The following ITGA7 variants were observed in gnomAD, a reference collection of about 807,000 sequenced individuals.
ITGA7 encodes integrin alpha-7.
Under a neutral mutation model 131.6 loss-of-function variants are expected in ITGA7, and 84 were observed. That is an observed-to-expected ratio of 0.64 (90% CI 0.54 to 0.77). The LOEUF (loss-of-function observed/expected upper bound fraction) is 0.77. Among genes scored for constraint, ITGA7 ranks in the 30% least tolerant of loss-of-function variants. The pLI is 0.00. For missense variants in ITGA7, 1,399 were observed against 1,482.9 expected (o/e 0.94, Z 0.93); for synonymous variants, 548 against 600.7 (o/e 0.91, Z 1.28).
In ITGA7 at chr12:55,697,496, C is replaced by T. The variant is rs140619961; in HGVS notation, c.1460G>A (p.Ser487Asn). 3.0e-5 allele frequency: 49 copies of T among 1,614,012 alleles called. No homozygotes were observed. In the African/African-American group the frequency reaches 6.0e-4, roughly 20 times the overall value. The change falls in exon 10 of 25, where the codon AGC (serine) becomes AAC (asparagine). Residue 487 changes from serine (S) to asparagine (N), a missense_variant. Ser to Asn is a conservative substitution (Grantham distance 46, BLOSUM62 1). Transcript: ENST00000257879. ...ACAGTTGGGCTGCTCCAGGTCGATGCTTCGTGGAGCAATAGAGACCTCATG... is the reference window on the plus strand; with the variant it reads ...ACAGTTGGGCTGCTCCAGGTCGATGTTTCGTGGAGCAATAGAGACCTCATG... Reference protein sequence around the residue: ...VSHEVSIAPRSIDLEQPNCAG... With the variant: ...VSHEVSIAPRNIDLEQPNCAG...
Position 55,707,820 on chromosome 12 carries a change from G to GGCCCACA in ITGA7, c.-139_-138insTGTGGGC. Reference sequence around the variant, plus strand: ...CGTCTCCCAGACGTTCGCCCCGCCAGCCCTCCCGCCCGCCCGCCGCTCCGC... The same window carrying GGCCCACA: ...CGTCTCCCAGACGTTCGCCCCGCCAGGCCCACACCCTCCCGCCCGCCCGCCGCTCCGC... On this transcript the variant is annotated 5_prime_UTR_variant, in exon 1 of 25. Coordinates refer to ENST00000257879, the MANE Select transcript of ITGA7 (RefSeq NM_002206.3). The GGCCCACA allele has an allele frequency of 6.9e-7, 1 of 1,455,772 alleles. No homozygotes were observed. The highest frequency in any genetic ancestry group is 1.4e-5 in the South Asian group (1 of 73,614). 90.2% of individuals were successfully genotyped at this position (1,455,772 alleles called of 1,614,324 possible). A position where few individuals can be genotyped will look rare whatever the true frequency, so the allele number is the denominator to read the frequency against.
chr12:55,707,933 G>T, upstream of ITGA7: 4 of 1,370,194 alleles, frequency 2.9e-6, no homozygotes, highest in Non-Finnish European at 3.8e-6. Context: ...TCCCGGGGAC[G>T]CCACTCAGGC....
rs780927955 is a variant in ITGA7 at position 55,688,859 on chromosome 12, G to C, written c.2943C>G (p.Asn981Lys). 3.7e-6 allele frequency: 6 copies of C among 1,613,750 alleles called. No individual in the cohort carries two copies. Among genetic ancestry groups the C allele is most frequent in the Non-Finnish European group, 5.1e-6 (6 of 1,179,654 alleles). Residue 981 changes from asparagine to lysine, a missense_variant, in exon 22 of 25, where the codon AAC (asparagine) becomes AAG (lysine). Transcript: ENST00000257879. ...AVLHVWGRLWNSTFLEEYSAV... is the reference protein window; with the variant it reads ...AVLHVWGRLWKSTFLEEYSAV... ...GTATCCTCACCTCCAGAAAGGTGCT[G>C]TTCCAGAGACGGCCCCAGACATGCA...
At chr12:55,701,554 TTCCTG>T (rs1470390913) in intron 3 of ITGA7, 1 of 799,560 alleles carries the variant, frequency 1.3e-6, no homozygotes, top group African/African-American at 1.7e-5. Flanking sequence ...TGCAAAGAAC[TTCCTG>T]TCCGCTTCAC....
upstream of ITGA7, among the ~76,000 whole-genome samples, chr12:55,709,682 C>T (rs900154328): frequency 2.8e-5 from 4 of 140,548 alleles, no homozygotes; most frequent in East Asian, 7.0e-4. Flanking sequence ...GCCCAGGTCC[C>T]CCCGCCCCCG....
chr12:55,709,959 G>C (rs1414441855), upstream of ITGA7, among the ~76,000 whole-genome samples: 1 of 152,214 alleles, frequency 6.6e-6, no homozygotes, highest in Non-Finnish European at 1.5e-5. Flanking sequence ...ACACACAAGA[G>C]CGTGCTAGAC....
At chr12:55,703,360 C>T (rs1268658387) in intron 1 of ITGA7, among the ~76,000 whole-genome samples, 182 bp from the exon 2 acceptor site, 1 of 152,024 alleles carries the variant, frequency 6.6e-6, no homozygotes, top group Non-Finnish European at 1.5e-5. Flanking sequence ...CTTGGTCATG[C>T]AGTCATCACG....
upstream of ITGA7, among the ~76,000 whole-genome samples, chr12:55,713,072 T>G (rs1281417399): frequency 1.3e-5 from 2 of 150,408 alleles, no homozygotes; most frequent in African/African-American, 4.9e-5. Context: ...GTTTCACTTA[T>G]CCCATGTCAC....
At chr12:55,695,455 A>T in intron 14 of ITGA7, 67 bp downstream of exon 14, 1 of 1,102,840 alleles carries the variant, frequency 9.1e-7, no homozygotes, top group South Asian at 1.3e-5. Context: ...GGTCCTCCTG[A>T]GAGGGCTTTC....
chr12:55,689,935 C>G (rs1051281553), intron 21 of ITGA7, among the ~76,000 whole-genome samples: 3 of 152,220 alleles, frequency 2.0e-5, no homozygotes, highest in Non-Finnish European at 4.4e-5. Context: ...AAAGCTGAAA[C>G]TGGATCCCTT....
At position 55,696,972 on chromosome 12, in the gene ITGA7, T is replaced by C. The variant is rs1440120402; in HGVS notation, c.1664A>G (p.His555Arg). 5 of 1,613,950 alleles carry C rather than the reference T, an allele frequency of 3.1e-6. No individual in the cohort carries two copies. Among genetic ancestry groups the C allele is most frequent in the South Asian group, 1.1e-5 (1 of 91,084 alleles). Residue 555 changes from histidine to arginine, a missense_variant, in exon 12 of 25, where the codon CAC (histidine) becomes CGC (arginine). His to Arg is a conservative substitution (Grantham distance 29). Transcript: ENST00000257879. ...FLSRNLEEPK[H>R]QASGTVWLKH... ...CAGCCACACGGTGCCCGAGGCCTGG[T>C]GCTTGGGTTCTTCCAGGTTACGGCT...
intron 9 of ITGA7, 50 bp downstream of exon 9, chr12:55,697,645 C>G: frequency 6.2e-7 from 1 of 1,613,942 alleles, no homozygotes; most frequent in Non-Finnish European, 8.5e-7. Context: ...GTCAGAGTCA[C>G]AGGGAGGGGC....
At chr12:55,712,454 C>T, upstream of ITGA7, 1 of 607,168 alleles carries the variant, frequency 1.6e-6, no homozygotes, top group South Asian at 2.1e-5. Context: ...CAGCAGCTTC[C>T]AGCCCTGTTT....
intron 3 of ITGA7, chr12:55,701,381 C>T: frequency 6.4e-7 from 1 of 1,552,102 alleles, no homozygotes; most frequent in African/African-American, 1.4e-5. Flanking sequence ...GCACCCACTT[C>T]CTTGCCCTCA....
intron 22 of ITGA7, 108 bp downstream of exon 22, chr12:55,688,736 A>AT: frequency 9.1e-6 from 6 of 660,932 alleles, no homozygotes; most frequent in Non-Finnish European, 1.5e-5. Context: ...AAAAAAAAAA[A>AT]GGGGGGGGAT....
chr12:55,696,228 A>G, intron 13 of ITGA7, 55 bp downstream of exon 13: 2 of 1,532,278 alleles, frequency 1.3e-6, no homozygotes, highest in South Asian at 2.4e-5. Flanking sequence ...GGGAGGGACC[A>G]TGATCTTTGC....
upstream of ITGA7, among the ~76,000 whole-genome samples, chr12:55,712,800 G>T (rs1311211642): frequency 2.0e-5 from 3 of 152,178 alleles, no homozygotes; most frequent in African/African-American, 7.2e-5. Flanking sequence ...ATCAGATGGG[G>T]ACACTAGATA....
At chr12:55,716,099 G>C (rs769138929), upstream of ITGA7, 283 of 1,597,078 alleles carry the variant, frequency 1.8e-4, no homozygotes, top group Non-Finnish European at 2.4e-4. Context: ...GGAGCCGGAG[G>C]GGGCCCGGCG....
Position 55,700,995 on chromosome 12 carries a change from C to T in ITGA7, c.574G>A (p.Glu192Lys), listed in dbSNP as rs1873879140. ...CCCTGCTGGCAGAACCCAAATTGTT[C>T]ATGGCCTTGGGGGCGTCCCTCACAG... ...KFCEGRPQGH[E>K]QFGFCQQGTA... The change falls in exon 4 of 25, where the codon GAA becomes AAA. Residue 192 changes from glutamate to lysine, a missense_variant. Transcript: ENST00000257879. 1 of 1,614,236 alleles carries T rather than the reference C, an allele frequency of 6.2e-7. No individual in the cohort carries two copies. The highest frequency in any genetic ancestry group is 8.5e-7 in the Non-Finnish European group (1 of 1,180,036).
Sources: allele counts gnomAD v4.1 joint callset (sites outside exome capture counted in the v4.1 genomes callset), GRCh38; gene constraint gnomAD v4.1.1; transcripts MANE v1.5; gene names NCBI Gene and HGNC (gene_info 2026-07-23, HGNC 2026-07-21).